The following CYTH1 variants were observed in gnomAD, a reference collection of about 807,000 sequenced individuals.
CYTH1 encodes cytohesin-1.
In CYTH1, 18 loss-of-function variants were observed where a neutral mutation model predicts 61.8. The ratio of observed to expected loss-of-function variants is 0.29; its 90% CI spans 0.20 to 0.43. The LOEUF (loss-of-function observed/expected upper bound fraction) is 0.43, where lower values mean the gene tolerates loss of function less well. Ranked by LOEUF, CYTH1 falls within the 20% of genes least tolerant of loss-of-function variation. The pLI is 1.00. For synonymous variants in CYTH1, 174 were observed against 184.3 expected, an observed-to-expected ratio of 0.94 and a Z score of 0.45; for missense variants, 336 against 510.5, an observed-to-expected ratio of 0.66 and a Z score of 3.29.
intron 1 of CYTH1, among the ~76,000 whole-genome samples, chr17:78,752,481 G>A (rs1320757846): frequency 1.3e-5 from 2 of 152,150 alleles, no homozygotes; most frequent in South Asian, 2.1e-4. Context: ...CACCCAGGCT[G>A]GAGTGTAGTG....
intron 1 of CYTH1, among the ~76,000 whole-genome samples, chr17:78,718,059 TATAC>T (rs767951985): frequency 6.9e-4 from 105 of 152,104 alleles, no homozygotes; most frequent in Non-Finnish European, 1.0e-3. Context: ...AGAAGGTAAA[TATAC>T]AAAAGGTAAC....
At chr17:78,679,521 A>G (rs572423250) in intron 13 of CYTH1, among the ~76,000 whole-genome samples, 1 of 152,370 alleles carries the variant, frequency 6.6e-6, no homozygotes, top group South Asian at 2.1e-4. Context: ...AGGGAAGAAC[A>G]TTAAGCAAGA....
intron 1 of CYTH1, among the ~76,000 whole-genome samples, chr17:78,719,603 A>G (rs910511724): frequency 2.0e-5 from 3 of 152,214 alleles, no homozygotes; most frequent in African/African-American, 7.2e-5. Flanking sequence ...TAAGGCAGGG[A>G]TAAGAATGCA....
intron 6 of CYTH1, among the ~76,000 whole-genome samples, chr17:78,701,033 G>A (rs2093003599): frequency 6.6e-6 from 1 of 152,142 alleles, no homozygotes; most frequent in South Asian, 2.1e-4. Flanking sequence ...TAATATACAA[G>A]ACTGAAACAT....
Position 78,717,636 on chromosome 17 carries a change from G to T in CYTH1, c.23-7904C>A, listed in dbSNP as rs972223473. On this transcript the variant is annotated intron_variant, in intron 1 of 13. Transcript: ENST00000446868. This position sits in a 1 kb window ranked among gnomAD's most constrained non-coding sequence, Gnocchi z 4.4. ...GCCAGAGGACGATACATGAGCACAC[G>T]GCGGGCTCTAGTCTAAAATCCTGCA... 6.6e-6 allele frequency among the ~76,000 whole-genome samples: 1 copy of T among 152,008 alleles called. No homozygotes were observed. Among genetic ancestry groups the T allele is most frequent in the Non-Finnish European group, 1.5e-5 (1 of 68,014 alleles).
rs1220376397 is a variant in CYTH1, at chr17:78,782,194, G to A, written c.22+8C>T. ...AGGGGGAAGCGTCCGCCGCCGGGGC[G>A]CACTGACCGTAGCTGTCGTCCTCCT... On this transcript the variant is annotated splice_region_variant and intron_variant, in intron 1 of 13. Transcript: ENST00000446868. The A allele has an allele frequency of 1.5e-6, 2 of 1,367,086 alleles. No individual in the cohort carries two copies. The highest frequency in any genetic ancestry group is 9.6e-7 in the Non-Finnish European group (1 of 1,045,420). The allele number at this position is 1,367,086 out of a possible 1,614,324, so 84.7% of individuals were successfully genotyped here. A position where few individuals can be genotyped will look rare whatever the true frequency, so the allele number is the denominator to read the frequency against.
At chr17:78,681,598 C>T (rs559915362) in intron 11 of CYTH1, among the ~76,000 whole-genome samples, 1 of 152,282 alleles carries the variant, frequency 6.6e-6, no homozygotes, top group Non-Finnish European at 1.5e-5. Flanking sequence ...AACAGAGCTG[C>T]ACCCGCCAAC....
At chr17:78,768,643 T>C (rs1451175105) in intron 1 of CYTH1, among the ~76,000 whole-genome samples, 2 of 152,000 alleles carry the variant, frequency 1.3e-5, no homozygotes, top group East Asian at 3.9e-4. Flanking sequence ...GTATTTTTTC[T>C]CTCCTACCTC....
intron 4 of CYTH1, 101 bp downstream of exon 4, chr17:78,702,437 A>G: frequency 7.6e-7 from 1 of 1,315,268 alleles, no homozygotes; most frequent in Non-Finnish European, 1.1e-6. Flanking sequence ...AAACGGCAAC[A>G]TGAACTGTAA....
In CYTH1 at chr17:78,700,295, C is replaced by T. The variant is rs35397519; in HGVS notation, c.550+36G>A. On this transcript the variant is annotated intron_variant, in intron 7 of 13. Coordinates refer to ENST00000446868, the MANE Select transcript of CYTH1 (RefSeq NM_004762.6). The surrounding 1 kb of genome is among the most constrained non-coding windows in gnomAD (Gnocchi z 5.1). ...GCCAAGAAAATAATCCAGTGTAAAA[C>T]GCCCATCATAAACTAGGATGAATGA... 29,168 of 1,532,930 alleles carry T rather than the reference C, an allele frequency of 0.019. 367 individuals are homozygous for T. Among genetic ancestry groups the T allele is most frequent in the South Asian group, 0.024 (1,948 of 82,256 alleles). 95.0% of individuals were successfully genotyped at this position (1,532,930 alleles called of 1,614,324 possible). A position where few individuals can be genotyped will look rare whatever the true frequency, so the allele number is the denominator to read the frequency against.
At chr17:78,681,828 ACT>A (rs2092766447) in intron 11 of CYTH1, among the ~76,000 whole-genome samples, 1 of 124,092 alleles carries the variant, frequency 8.1e-6, no homozygotes, top group Non-Finnish European at 1.7e-5. Flanking sequence ...ACAGAGCAAG[ACT>A]CTGTCTCAAA....
chr17:78,779,605 G>A (rs573092498), intron 1 of CYTH1, among the ~76,000 whole-genome samples: 1 of 152,216 alleles, frequency 6.6e-6, no homozygotes, highest in East Asian at 1.9e-4. Flanking sequence ...TGATTATCCA[G>A]GTGGGTCCCA....
At chr17:78,716,438 A>G (rs2093181416) in intron 1 of CYTH1, among the ~76,000 whole-genome samples, 1 of 152,218 alleles carries the variant, frequency 6.6e-6, no homozygotes, top group South Asian at 2.1e-4. Context: ...CTTCTGGCCA[A>G]TTTGTAGCTA....
Position 78,686,218 on chromosome 17 carries a change from CATT to C in CYTH1, c.892-5179_892-5177del, listed in dbSNP as rs1440358036. ...CTGTGATTGGCTCAAGCGTTTAAGACATTATATTTATAGGACATGATTATATTT... is the reference window on the plus strand; with the variant it reads ...CTGTGATTGGCTCAAGCGTTTAAGACATATTTATAGGACATGATTATATTT... On this transcript the variant is annotated intron_variant, in intron 11 of 13. Coordinates refer to ENST00000446868, the MANE Select transcript of CYTH1 (RefSeq NM_004762.6). 5.3e-5 allele frequency among the ~76,000 whole-genome samples: 8 copies of C among 152,148 alleles called. No homozygotes were observed. In the South Asian group the frequency reaches 6.2e-4, roughly 12 times the overall value.
rs533209172 is a variant in CYTH1, at chr17:78,728,974, T to C, written c.23-19242A>G. Among the ~76,000 whole-genome samples, 9 of 152,346 alleles carry C rather than the reference T, an allele frequency of 5.9e-5. 1 individual carries two copies. Among genetic ancestry groups the C allele is most frequent in the African/African-American group, 1.7e-4 (7 of 41,576 alleles). ...TGAATTAGTATAGTCATAATATTGG[T>C]GAGTCTGCTCATTTGCGACATGAAA... On this transcript the variant is annotated intron_variant, in intron 1 of 13. Transcript: ENST00000446868.
chr17:78,767,007 G>GT (rs2093451391), intron 1 of CYTH1, among the ~76,000 whole-genome samples: 1 of 152,154 alleles, frequency 6.6e-6, no homozygotes, highest in Non-Finnish European at 1.5e-5. Context: ...CACCCACAGG[G>GT]TAACTGTGAG....
intron 1 of CYTH1, among the ~76,000 whole-genome samples, chr17:78,777,830 C>CAAA (rs201636454): frequency 5.6e-5 from 4 of 71,902 alleles, no homozygotes; most frequent in Admixed American, 1.5e-4. Flanking sequence ...ATTAAAAATA[C>CAAA]AAAAAAAAAA....
intron 10 of CYTH1, among the ~76,000 whole-genome samples, chr17:78,695,277 A>G (rs966362844): frequency 1.3e-5 from 2 of 152,204 alleles, no homozygotes; most frequent in Admixed American, 1.3e-4. Context: ...AAAGCGAGGG[A>G]GCAAAACAAA....
intron 1 of CYTH1, among the ~76,000 whole-genome samples, chr17:78,760,505 A>G (rs1282228959): frequency 2.3e-5 from 1 of 43,958 alleles, no homozygotes; most frequent in Non-Finnish European, 4.1e-5. Context: ...ATACATATAT[A>G]TGTATATATA....
Sources: allele counts gnomAD v4.1 joint callset (sites outside exome capture counted in the v4.1 genomes callset), GRCh38; gene constraint gnomAD v4.1.1; non-coding constraint Gnocchi (gnomAD v3.1); transcripts MANE v1.5; gene names NCBI Gene and HGNC (gene_info 2026-07-23, HGNC 2026-07-21).